The following LIMD1 variants were observed in gnomAD, a reference collection of about 807,000 sequenced individuals.
LIMD1 encodes LIM domain-containing protein 1.
LIMD1 carries 23 observed loss-of-function variants against 58.4 expected under a neutral mutation model. The observed-to-expected ratio is 0.39, with a 90% CI of 0.28 to 0.56. The LOEUF is 0.56. Among genes scored for constraint, LIMD1 ranks in the 20% least tolerant of loss-of-function variants. The pLI is 0.57. For synonymous variants in LIMD1, 334 were observed against 345.5 expected (o/e 0.97, Z 0.37); for missense variants, 838 against 855.5 (o/e 0.98, Z 0.25).
intron 2 of LIMD1, 134 bp downstream of exon 2, chr3:45,636,385 A>G: frequency 1.5e-6 from 1 of 678,166 alleles, no homozygotes. Flanking sequence ...AAAGCCAGAC[A>G]GTGTCTTTTA....
chr3:45,656,541 C>T lies in LIMD1; in HGVS notation c.1511-9109C>T, dbSNP rs141676148. Among the ~76,000 whole-genome samples, 841 of 148,438 alleles carry T rather than the reference C, an allele frequency of 5.7e-3. 8 individuals are homozygous for T. The highest frequency in any genetic ancestry group is 0.02 in the African/African-American group (797 of 40,200). On this transcript the variant is annotated intron_variant, in intron 2 of 7. Coordinates refer to ENST00000273317, the MANE Select transcript of LIMD1 (RefSeq NM_014240.3). ...TTTTTCTTTCTTTTTTTTTTTGAGA[C>T]GGAGTCTCACTCTGTCGCCAGGCTG... is the stretch of plus-strand genomic sequence containing the variant.
chr3:45,632,668 C>A, intron 1 of LIMD1: 2 of 409,674 alleles, frequency 4.9e-6, no homozygotes, highest in Non-Finnish European at 6.6e-6. Context: ...GGCCCTTATT[C>A]TGAAGGCACT....
At chr3:45,602,725 A>ACCTG in intron 1 of LIMD1, among the ~76,000 whole-genome samples, 1 of 134,992 alleles carries the variant, frequency 7.4e-6, no homozygotes, top group African/African-American at 2.6e-5. Context: ...CTATGTACCT[A>ACCTG]CATGTCCTAT....
intron 4 of LIMD1, among the ~76,000 whole-genome samples, chr3:45,670,708 G>A (rs2125670098): frequency 6.6e-6 from 1 of 152,342 alleles, no homozygotes; most frequent in South Asian, 2.1e-4. Flanking sequence ...CACAAAGCCA[G>A]TTCTGATTCA....
At position 45,636,352 on chromosome 3, in the gene LIMD1, A is replaced by ATG. The variant is rs1342799535; in HGVS notation, c.1510+102_1510+103dup. 4.6e-6 allele frequency: 4 copies of ATG among 871,654 alleles called. No individual in the cohort carries two copies. The Admixed American group carries it at 1.0e-4, about 22-fold the overall frequency. 54.0% of individuals were successfully genotyped at this position (871,654 alleles called of 1,614,324 possible). A position where few individuals can be genotyped will look rare whatever the true frequency, so the allele number is the denominator to read the frequency against. On this transcript the variant is annotated intron_variant, in intron 2 of 7. Coordinates refer to ENST00000273317, the MANE Select transcript of LIMD1 (RefSeq NM_014240.3). ...TCATCTTTCTGGAGACGGTTGGTCCATGGCCCTCCTCAGCCCCACAGAAAA... is the reference window on the plus strand; with the variant it reads ...TCATCTTTCTGGAGACGGTTGGTCCATGTGGCCCTCCTCAGCCCCACAGAAAA...
At chr3:45,602,771 A>G (rs913641462) in intron 1 of LIMD1, among the ~76,000 whole-genome samples, 7 of 151,876 alleles carry the variant, frequency 4.6e-5, no homozygotes, top group Non-Finnish European at 8.8e-5. Context: ...GCATGTCTAC[A>G]TGACTACAGA....
chr3:45,645,734 T>TTGTA, intron 2 of LIMD1, among the ~76,000 whole-genome samples: 4 of 152,190 alleles, frequency 2.6e-5, no homozygotes, highest in African/African-American at 7.2e-5. Context: ...CAGGTTTCTG[T>TTGTA]GGCCCTCTCA....
intron 1 of LIMD1, among the ~76,000 whole-genome samples, chr3:45,597,785 C>T (rs1184226050): frequency 2.0e-5 from 3 of 152,090 alleles, no homozygotes; most frequent in Non-Finnish European, 4.4e-5. Context: ...TCTCCGTGAA[C>T]GAGCAAGTGT....
intron 2 of LIMD1, among the ~76,000 whole-genome samples, chr3:45,639,865 G>C (rs908823236): frequency 1.3e-5 from 2 of 152,164 alleles, no homozygotes; most frequent in African/African-American, 4.8e-5. Flanking sequence ...GTTTCTTCAT[G>C]TTGGTCAGGC....
intron 4 of LIMD1, among the ~76,000 whole-genome samples, chr3:45,672,143 TATC>T (rs1697592580): frequency 6.6e-6 from 1 of 152,220 alleles, no homozygotes; most frequent in Non-Finnish European, 1.5e-5. Context: ...ACTTCTAGAT[TATC>T]ATGCTCCAGA....
At chr3:45,598,699 G>C (rs1187963504) in intron 1 of LIMD1, among the ~76,000 whole-genome samples, 6 of 152,206 alleles carry the variant, frequency 3.9e-5, no homozygotes, top group Non-Finnish European at 8.8e-5. Context: ...CCTGGGGCTG[G>C]GGGTGGCAGA....
At chr3:45,606,916 C>T (rs910988216) in intron 1 of LIMD1, among the ~76,000 whole-genome samples, 5 of 152,206 alleles carry the variant, frequency 3.3e-5, no homozygotes, top group African/African-American at 7.2e-5. Flanking sequence ...GCCTCAGCTT[C>T]CCAAGTACCT....
rs1166624189 is a variant in LIMD1 at position 45,666,733 on chromosome 3, T to C, written c.1578+1016T>C. On this transcript the variant is annotated intron_variant, in intron 3 of 7. Coordinates refer to ENST00000273317, the MANE Select transcript of LIMD1 (RefSeq NM_014240.3). ...AGTCTCTCCTCCATTGACTGAAAGC[T>C]TCCAGGATAGAAAGAACATGCGTCT... Among the ~76,000 whole-genome samples the C allele has an allele frequency of 6.6e-5, 10 of 152,234 alleles. No individual in the cohort carries two copies. The East Asian group carries it at 1.4e-3, about 21-fold the overall frequency.
chr3:45,616,479 C>T (rs534814422), intron 1 of LIMD1, among the ~76,000 whole-genome samples: 2 of 152,234 alleles, frequency 1.3e-5, no homozygotes, highest in Admixed American at 6.5e-5. Context: ...TCCTTCAGTG[C>T]CCCCGACCCC....
intron 2 of LIMD1, among the ~76,000 whole-genome samples, chr3:45,645,725 A>T (rs1701898303): frequency 6.6e-6 from 1 of 152,088 alleles, no homozygotes; most frequent in Non-Finnish European, 1.5e-5. Flanking sequence ...GGCACTCCTC[A>T]GGTTTCTGTG....
At chr3:45,640,268 A>G (rs1289185285) in intron 2 of LIMD1, among the ~76,000 whole-genome samples, 6 of 152,172 alleles carry the variant, frequency 3.9e-5, no homozygotes, top group Admixed American at 3.3e-4. Context: ...ATTGTTATCT[A>G]GAATAGCCTC....
intron 6 of LIMD1, 58 bp from the exon 7 acceptor site, chr3:45,674,285 G>T (rs1697636236): frequency 1.2e-5 from 16 of 1,380,366 alleles, no homozygotes; most frequent in African/African-American, 2.8e-5. Flanking sequence ...GGTACATCAA[G>T]CCCGACAGCC....
intron 2 of LIMD1, among the ~76,000 whole-genome samples, chr3:45,649,758 T>C (rs904012204): frequency 1.4e-5 from 2 of 146,126 alleles, no homozygotes; most frequent in African/African-American, 5.0e-5. Context: ...AATTATATAT[T>C]TTATATATAT....
chr3:45,647,556 A>G (rs1056028790), intron 2 of LIMD1, among the ~76,000 whole-genome samples: 6 of 152,158 alleles, frequency 3.9e-5, no homozygotes, highest in Admixed American at 6.5e-5. Context: ...CAGCCCTGCA[A>G]TGGTCACCAT....
Sources: gnomAD v4.1 joint callset for allele counts (sites outside exome capture counted in the v4.1 genomes callset) on GRCh38, gnomAD v4.1.1 for gene constraint, MANE v1.5 for transcripts, NCBI Gene and HGNC (gene_info 2026-07-23, HGNC 2026-07-21) for gene names.